USH2A: variants seen among roughly 807,000 people sequenced by gnomAD.
USH2A encodes usherin, also known as Usher syndrome 2A (autosomal recessive, mild).
In USH2A, 443 loss-of-function variants were observed where a neutral mutation model predicts 538.9. The observed-to-expected ratio is 0.82, with a 90% CI of 0.76 to 0.89. USH2A has a LOEUF of 0.89. Ranked by LOEUF, USH2A falls within the 40% of genes least tolerant of loss-of-function variation. The probability of loss-of-function intolerance (pLI) is 0.00; values close to 1 mark genes in which losing one functional copy is unlikely to be tolerated. For synonymous variants in USH2A, 2,413 were observed against 2,273.5 expected, an observed-to-expected ratio of 1.06 and a Z score of -1.75; for missense variants, 6,633 against 6,324.8, an observed-to-expected ratio of 1.05 and a Z score of -1.65.
intron 20 of USH2A, among the ~76,000 whole-genome samples, chr1:216,188,882 C>T (rs963742385): frequency 2.6e-5 from 4 of 151,932 alleles, no homozygotes; most frequent in East Asian, 1.9e-4. Flanking sequence ...CTTCACCCTC[C>T]GTTGTCTCCA....
chr1:216,073,012 T>C (rs1343056679), intron 28 of USH2A, 43 bp from the exon 29 acceptor site: 4 of 1,611,918 alleles, frequency 2.5e-6, no homozygotes, highest in Non-Finnish European at 3.4e-6. Flanking sequence ...ATAATACTCA[T>C]ATAGATTAAT....
chr1:216,287,820 C>G (rs1323863862), intron 11 of USH2A, among the ~76,000 whole-genome samples: 1 of 152,064 alleles, frequency 6.6e-6, no homozygotes, highest in African/African-American at 2.4e-5. Flanking sequence ...AACTGTTCTG[C>G]AAGTGAAAAT....
intron 3 of USH2A, among the ~76,000 whole-genome samples, chr1:216,379,205 C>T (rs540478429): frequency 2.1e-4 from 32 of 152,294 alleles, no homozygotes; most frequent in Non-Finnish European, 3.1e-4. Flanking sequence ...CACATGTCCC[C>T]TGCCCATGGA....
chr1:216,323,569 T>G lies in USH2A; in HGVS notation c.1455A>C (p.Ile485=). Residue 485 remains isoleucine, a synonymous_variant, in exon 8 of 72, where the codon ATA becomes ATC. Transcript: ENST00000307340. ...AGTACTGCCCATGAAAATGAAACCT[T>G]ATTTGCGTGGCTTTTACGAACTCTT... The part of the protein sequence containing the change: ...SLQEFVKATQ[I]RFHFHGQYYT... 3.1e-6 allele frequency: 5 copies of G among 1,613,588 alleles called. No individual in the cohort carries two copies. The highest frequency in any genetic ancestry group is 4.2e-6 in the Non-Finnish European group (5 of 1,179,770).
intron 9 of USH2A, among the ~76,000 whole-genome samples, chr1:216,295,122 G>A (rs139611847): frequency 4.9e-4 from 74 of 151,630 alleles, no homozygotes; most frequent in African/African-American, 1.7e-3. Context: ...AGCTTTTATA[G>A]TATTGACTAT....
intron 35 of USH2A, among the ~76,000 whole-genome samples, chr1:215,987,983 CTAGTT>C (rs1667911922): frequency 6.6e-6 from 1 of 151,744 alleles, no homozygotes; most frequent in African/African-American, 2.4e-5. Context: ...ATCTTTTTTT[CTAGTT>C]TAGTTTATAG....
At chr1:215,943,942 A>G (rs1403097546) in intron 37 of USH2A, among the ~76,000 whole-genome samples, 1 of 152,192 alleles carries the variant, frequency 6.6e-6, no homozygotes, top group Non-Finnish European at 1.5e-5. Flanking sequence ...AATAATGTTT[A>G]CTGTTTGTTA....
intron 25 of USH2A, among the ~76,000 whole-genome samples, chr1:216,084,162 G>A (rs1055774725): frequency 2.6e-5 from 4 of 152,002 alleles, no homozygotes; most frequent in Non-Finnish European, 5.9e-5. Flanking sequence ...CATGTCAGGG[G>A]TAAGCTACAG....
chr1:216,149,784 C>T (rs1270676283), intron 21 of USH2A, among the ~76,000 whole-genome samples: 1 of 152,034 alleles, frequency 6.6e-6, no homozygotes, highest in African/African-American at 2.4e-5. Context: ...GAATCTGACC[C>T]CTCAAACTCT....
intron 32 of USH2A, among the ~76,000 whole-genome samples, chr1:216,044,534 T>G (rs1009975198): frequency 6.6e-6 from 1 of 152,142 alleles, no homozygotes; most frequent in Admixed American, 6.5e-5. Context: ...ACCTATTCAG[T>G]TTTTACAATG....
intron 69 of USH2A, among the ~76,000 whole-genome samples, chr1:215,635,146 A>C (rs908119042): frequency 7.9e-5 from 12 of 152,310 alleles, no homozygotes; most frequent in African/African-American, 2.6e-4. Flanking sequence ...CACTCCTTGG[A>C]GATCTGAGGT....
rs1218611395 is a variant in USH2A at position 216,365,081 on chromosome 1, T to A, written c.656A>T (p.His219Leu). The A allele has an allele frequency of 6.2e-7, 1 of 1,612,366 alleles. No individual in the cohort carries two copies. Among genetic ancestry groups the A allele is most frequent in the Admixed American group, 1.7e-5 (1 of 59,900 alleles). Reference protein sequence around the residue: ...KKWIHLSVQVHQTKISFFING... With the variant: ...KKWIHLSVQVLQTKISFFING... ...GATAAAGAAGCTGATTTTTGTCTGA[T>A]GCACCTGTAAGAAATTACCACCATT... is the stretch of plus-strand genomic sequence containing the variant. The change falls in exon 4 of 72, where the codon CAT (histidine) becomes CTT (leucine). Residue 219 changes from histidine to leucine, a missense_variant. By Grantham distance (99) the His-to-Leu change is moderately conservative. Transcript: ENST00000307340.
intron 51 of USH2A, among the ~76,000 whole-genome samples, chr1:215,788,448 G>A (rs549437620): frequency 1.3e-5 from 2 of 152,206 alleles, no homozygotes; most frequent in African/African-American, 4.8e-5. Context: ...AGATGTAAGG[G>A]GCTTCGGTTC....
At chr1:215,972,134 A>G (rs560372433) in intron 35 of USH2A, among the ~76,000 whole-genome samples, 8 of 152,268 alleles carry the variant, frequency 5.3e-5, no homozygotes, top group Admixed American at 5.2e-4. Flanking sequence ...CTACATTTCC[A>G]ACTCTCTTGC....
chr1:215,667,260 C>A (rs767453491), intron 64 of USH2A, among the ~76,000 whole-genome samples: 6 of 152,122 alleles, frequency 3.9e-5, no homozygotes, highest in Non-Finnish European at 8.8e-5. Flanking sequence ...CTTGTGATAT[C>A]ACATGGATTT....
At chr1:216,345,161 T>C (rs1305180389) in intron 4 of USH2A, among the ~76,000 whole-genome samples, 2 of 152,050 alleles carry the variant, frequency 1.3e-5, no homozygotes, top group African/African-American at 4.8e-5. Flanking sequence ...CCAATGCTTT[T>C]CTTTCTTTCT....
chr1:215,809,147 ATAAT>A (rs2102788782), intron 49 of USH2A, among the ~76,000 whole-genome samples: 1 of 152,270 alleles, frequency 6.6e-6, no homozygotes, highest in South Asian at 2.1e-4. Flanking sequence ...CCTGGGTAAA[ATAAT>A]TCTATTTCGT....
In USH2A at chr1:216,073,175, A is replaced by C. The variant is rs201026468; in HGVS notation, c.5698T>G (p.Cys1900Gly). The C allele has an allele frequency of 2.0e-4, 328 of 1,613,870 alleles. 4 individuals carry two copies. The South Asian group carries it at 3.3e-3, about 16-fold the overall frequency. ...ACCAGGATGGAGTCATTTCCCCTGC[A>C]GTTAACAGCACTGTCAGTTGATAGG... The part of the protein sequence containing the change: ...GCLSTDSAVN[C>G]RGNDSILVYQ... The change falls in exon 28 of 72, where the codon TGC (cysteine) becomes GGC (glycine). Residue 1900 changes from cysteine to glycine, a missense_variant. Coordinates refer to ENST00000307340, the MANE Select transcript of USH2A (RefSeq NM_206933.4).
intron 61 of USH2A, among the ~76,000 whole-genome samples, chr1:215,699,137 G>A (rs1345385327): frequency 6.6e-6 from 1 of 152,148 alleles, no homozygotes; most frequent in African/African-American, 2.4e-5. Flanking sequence ...GTAGATGTAT[G>A]TTGTTACTTC....
Sources: allele counts gnomAD v4.1 joint callset (sites outside exome capture counted in the v4.1 genomes callset), GRCh38; gene constraint gnomAD v4.1.1; transcripts MANE v1.5; gene names NCBI Gene and HGNC (gene_info 2026-07-23, HGNC 2026-07-21).